The following FAM199X variants were observed in gnomAD, a reference collection of about 807,000 sequenced individuals.
The protein encoded by FAM199X is family with sequence similarity 199, X-linked.
FAM199X carries 4 observed loss-of-function variants against 22.9 expected under a neutral mutation model. The observed-to-expected ratio is 0.17, with a 90% confidence interval of 0.09 to 0.40. The LOEUF is 0.40. Among genes scored for constraint, FAM199X ranks in the 10% least tolerant of loss-of-function variants. The pLI, the probability that FAM199X is intolerant of heterozygous loss-of-function variation, is 1.00. For synonymous variants in FAM199X, 101 were observed against 112.3 expected, an observed-to-expected ratio of 0.90 and a Z score of 0.64; for missense variants, 183 against 306.8, an observed-to-expected ratio of 0.60 and a Z score of 3.01.
chrX:104,191,538 A>C lies in FAM199X; in HGVS notation c.*1760A>C, dbSNP rs1180338708. 8.9e-6 allele frequency: 1 copy of C among 111,957 alleles called. No individual in the cohort carries two copies. The highest frequency in any genetic ancestry group is 3.2e-5 in the African/African-American group (1 of 30,827). The allele number at this position is 111,957 out of a possible 1,213,427, so 9.2% of individuals were successfully genotyped here. ...AAGAGAGCTTAGGGATAGACACCAG[A>C]ATACTCTGTGGAGGTGGAACAACTT... is the stretch of plus-strand genomic sequence containing the variant. On this transcript the variant is annotated 3_prime_UTR_variant, in exon 6 of 6. Transcript: ENST00000493442.
In FAM199X at chrX:104,194,383, A is replaced by G. The variant is rs183616343; in HGVS notation, c.*4605A>G. The G allele has an allele frequency of 8.9e-6, 1 of 112,259 alleles. No homozygotes were observed. The highest frequency in any genetic ancestry group is 2.8e-4 in the East Asian group (1 of 3,610). The allele number at this position is 112,259 out of a possible 1,213,427, so 9.3% of individuals were successfully genotyped here. On this transcript the variant is annotated 3_prime_UTR_variant, in exon 6 of 6. Coordinates refer to ENST00000493442, the MANE Select transcript of FAM199X (RefSeq NM_207318.4). ...GACTATGTAAAGGTAGTTGTAGACT[A>G]TATGTATAAATAACAAGTTAACACT...
At chrX:104,167,817 G>C (rs1921252067) in intron 1 of FAM199X, among the ~76,000 whole-genome samples, 1 of 109,681 alleles carries the variant, frequency 9.1e-6, no homozygotes, top group Non-Finnish European at 1.9e-5. Context: ...ATCAAATCTT[G>C]GGGGGTGGGT....
chrX:104,188,426 T>A, intron 5 of FAM199X, 120 bp downstream of exon 5: 1 of 869,095 alleles, frequency 1.2e-6, no homozygotes, highest in Non-Finnish European at 1.6e-6. Context: ...GTTTTGGTCT[T>A]AATTGAACAA....
Position 104,195,714 on chromosome X carries a change from T to C in FAM199X, c.*5936T>C, listed in dbSNP as rs1487372070. The C allele has an allele frequency of 9.0e-6, 1 of 111,351 alleles. No individual in the cohort carries two copies. Among genetic ancestry groups the C allele is most frequent in the Non-Finnish European group, 1.9e-5 (1 of 53,031 alleles). 9.2% of individuals were successfully genotyped at this position (111,351 alleles called of 1,213,427 possible). On this transcript the variant is annotated 3_prime_UTR_variant, in exon 6 of 6. Transcript: ENST00000493442. ...TGTGGTTGCTTTCTCCTTTGGAGAA[T>C]AGCTGCTTTGCTTTTATTTTTAATT...
rs782757532 is a variant in FAM199X, at chrX:104,179,855, C to T, written c.417+4013C>T. Among the ~76,000 whole-genome samples the T allele has an allele frequency of 5.4e-5, 6 of 111,164 alleles. No individual in the cohort carries two copies. In the East Asian group the frequency reaches 1.4e-3, roughly 26 times the overall value. On this transcript the variant is annotated intron_variant, in intron 2 of 5. Transcript: ENST00000493442. ...TTGTGTCTTTGTCTAGCTTTGGTGT[C>T]CAGGTAATACTGGCCTCTCATAAGG...
In FAM199X at chrX:104,189,970, C is replaced by T; in HGVS notation, c.*192C>T. ...CTTGAGAAGTTGTTAGGAATGCATA[C>T]TAGTGGGCCCCGCCCCCAGACATAG... On this transcript the variant is annotated 3_prime_UTR_variant, in exon 6 of 6. Coordinates refer to ENST00000493442, the MANE Select transcript of FAM199X (RefSeq NM_207318.4). The T allele has an allele frequency of 2.4e-6, 1 of 410,615 alleles. No individual in the cohort carries two copies. Among genetic ancestry groups the T allele is most frequent in the Non-Finnish European group, 4.1e-6 (1 of 241,876 alleles). The allele number at this position is 410,615 out of a possible 1,213,427, so 33.8% of individuals were successfully genotyped here.
At chrX:104,162,440 TTCTAAG>T (rs1427134179), upstream of FAM199X, among the ~76,000 whole-genome samples, 2 of 112,142 alleles carry the variant, frequency 1.8e-5, no homozygotes, top group East Asian at 5.6e-4. Context: ...CAAAAACGTT[TTCTAAG>T]TCTATCTTTC....
At chrX:104,174,486 A>C (rs1602515887) in intron 1 of FAM199X, among the ~76,000 whole-genome samples, 1 of 111,351 alleles carries the variant, frequency 9.0e-6, no homozygotes, top group East Asian at 2.8e-4. Context: ...ATATTCTTTG[A>C]CTCAGTACTT....
At position 104,186,206 on chromosome X, in the gene FAM199X, T is replaced by C; in HGVS notation, c.558T>C (p.Asn186=). ...AACTCCCTTGGAGTGCAATGACAAA[T>C]GATGAGCAGGTAAAGATCTTGACAT... ...LDELPWSAMT[N]DEQVEYIEYL... Residue 186 remains asparagine, a synonymous_variant, in exon 3 of 6, where the codon AAT becomes AAC. Transcript: ENST00000493442. 1 of 1,206,688 alleles carries C rather than the reference T, an allele frequency of 8.3e-7. No individual in the cohort carries two copies. The highest frequency in any genetic ancestry group is 1.1e-6 in the Non-Finnish European group (1 of 894,414).
At chrX:104,162,217 T>A (rs1921059061), upstream of FAM199X, among the ~76,000 whole-genome samples, 2 of 111,675 alleles carry the variant, frequency 1.8e-5, no homozygotes, top group South Asian at 7.5e-4. Flanking sequence ...TACAGCTGAG[T>A]TCTAAAAGTC....
At chrX:104,177,444 T>A (rs1556376721) in intron 2 of FAM199X, among the ~76,000 whole-genome samples, 4 of 112,332 alleles carry the variant, frequency 3.6e-5, no homozygotes, top group Non-Finnish European at 5.6e-5. Context: ...CAAGTTTCTA[T>A]GTGGATTTAT....
chrX:104,165,953 A>T (rs952637837), upstream of FAM199X, among the ~76,000 whole-genome samples: 1 of 111,494 alleles, frequency 9.0e-6, no homozygotes, highest in Non-Finnish European at 1.9e-5. Context: ...AGCACAAAAG[A>T]GTACGACGTG....
rs1556381064 is a variant in FAM199X, at chrX:104,194,120, A to C, written c.*4342A>C. 9.0e-6 allele frequency: 1 copy of C among 111,543 alleles called. No individual in the cohort carries two copies. The highest frequency in any genetic ancestry group is 1.9e-5 in the Non-Finnish European group (1 of 52,882). The allele number at this position is 111,543 out of a possible 1,213,427, so 9.2% of individuals were successfully genotyped here. A position where few individuals can be genotyped will look rare whatever the true frequency, so the allele number is the denominator to read the frequency against. ...TCTAGTTATTTTTTAAATTAAGGTA[A>C]TTACTGTTTTAACCTAGAGCATATA... On this transcript the variant is annotated 3_prime_UTR_variant, in exon 6 of 6. Coordinates refer to ENST00000493442, the MANE Select transcript of FAM199X (RefSeq NM_207318.4).
At chrX:104,181,839 G>A (rs895576272) in intron 2 of FAM199X, among the ~76,000 whole-genome samples, 2 of 111,076 alleles carry the variant, frequency 1.8e-5, no homozygotes, top group Admixed American at 1.9e-4. Flanking sequence ...ACCTTGCTAT[G>A]AAAATTGAGG....
At chrX:104,162,684 C>G (rs903821346), upstream of FAM199X, among the ~76,000 whole-genome samples, 1 of 112,059 alleles carries the variant, frequency 8.9e-6, no homozygotes, top group Non-Finnish European at 1.9e-5. Context: ...GAAAGATAGT[C>G]TTTTCAATAA....
intron 2 of FAM199X, among the ~76,000 whole-genome samples, chrX:104,177,352 C>T (rs1295742212): frequency 9.0e-6 from 1 of 111,014 alleles, no homozygotes; most frequent in African/African-American, 3.3e-5. Flanking sequence ...ACATTTTGTT[C>T]ATCCACTCAT....
chrX:104,185,670 G>A (rs1393518271), intron 2 of FAM199X, among the ~76,000 whole-genome samples: 2 of 110,592 alleles, frequency 1.8e-5, no homozygotes, highest in African/African-American at 6.6e-5. Context: ...TAGTGCAGTG[G>A]CACCATCTCG....
At position 104,186,533 on chromosome X, in the gene FAM199X, A is replaced by G; in HGVS notation, c.641A>G (p.Lys214Arg). ...MGLREQLDII[K>R]IIDPSAQISP... is the part of the protein sequence containing the mutation. ...CTTCGGGAGCAACTTGATATTATTA[A>G]GATCATTGATCCTTCTGCTCAAATC... The change falls in exon 4 of 6, where the codon AAG becomes AGG. Residue 214 changes from lysine (K) to arginine (R), a missense_variant. This residue lies in a region of FAM199X where 128 missense variants were observed against 246.2 expected (regional missense o/e 0.52). Coordinates refer to ENST00000493442, the MANE Select transcript of FAM199X (RefSeq NM_207318.4). 2.5e-6 allele frequency: 3 copies of G among 1,210,312 alleles called. No homozygotes were observed. Among genetic ancestry groups the G allele is most frequent in the Non-Finnish European group, 3.4e-6 (3 of 894,117 alleles).
At chrX:104,159,373 G>A in the FAM199X span, among the ~76,000 whole-genome samples, 1 of 112,297 alleles carries the variant, frequency 8.9e-6, no homozygotes, top group African/African-American at 3.2e-5. Flanking sequence ...TCCTTGCTGG[G>A]CATCTTGCCC....
Sources: allele counts gnomAD v4.1 joint callset (sites outside exome capture counted in the v4.1 genomes callset), GRCh38; gene constraint gnomAD v4.1.1; regional missense constraint gnomAD v4.1.1; transcripts MANE v1.5; gene names NCBI Gene and HGNC (gene_info 2026-07-23, HGNC 2026-07-21).